Variants in RNF7 observed in about 807,000 individuals in gnomAD.
RNF7 encodes the protein RING-box protein 2.
In RNF7, 9 loss-of-function variants were observed where a neutral mutation model predicts 17.0. The ratio of observed to expected loss-of-function variants is 0.53; its 90% confidence interval spans 0.32 to 0.92. The LOEUF is 0.92. Among genes scored for constraint, RNF7 ranks in the 40% least tolerant of loss-of-function variants. The pLI is 0.04. For missense variants in RNF7, 87 were observed against 145.8 expected (o/e 0.60, Z 2.08); for synonymous variants, 59 against 50.5 (o/e 1.17, Z -0.72).
intron 1 of RNF7, 107 bp downstream of exon 1, chr3:141,738,623 G>A: frequency 8.3e-7 from 1 of 1,203,818 alleles, no homozygotes; most frequent in Non-Finnish European, 1.1e-6. Flanking sequence ...TGCCCTGCCT[G>A]GGAGAGTGGG....
At chr3:141,742,956 T>C in intron 1 of RNF7, 1 of 977,120 alleles carries the variant, frequency 1.0e-6, no homozygotes. Flanking sequence ...AATTTTTTAA[T>C]TTAATTTTTT....
At chr3:141,740,629 AT>A (rs1413667868) in intron 1 of RNF7, among the ~76,000 whole-genome samples, 1 of 151,992 alleles carries the variant, frequency 6.6e-6, no homozygotes, top group African/African-American at 2.4e-5. Flanking sequence ...GCAGAAGGAA[AT>A]TTTTTTTCCA....
intron 1 of RNF7, chr3:141,742,811 A>G (rs1024127076): frequency 1.7e-6 from 2 of 1,207,270 alleles, no homozygotes; most frequent in Admixed American, 7.1e-5. Context: ...TATTGGAAGC[A>G]TACAAAGCAG....
In RNF7 at chr3:141,746,274, G is replaced by C. The variant is rs888745211; in HGVS notation, c.*997G>C. On this transcript the variant is annotated 3_prime_UTR_variant, in exon 3 of 3. Transcript: ENST00000273480. ...TTACAGGTGTGGGCCACTGCACCTG[G>C]CCCAGATGATATAATTTAACTGTGT... 9 of 152,116 alleles carry C rather than the reference G, an allele frequency of 5.9e-5. No homozygotes were observed. Among genetic ancestry groups the C allele is most frequent in the African/African-American group, 2.2e-4 (9 of 41,424 alleles). 9.4% of individuals were successfully genotyped at this position (152,116 alleles called of 1,614,324 possible).
In RNF7 at chr3:141,738,529, C is replaced by G. The variant is rs761980057; in HGVS notation, c.175+13C>G. 16 of 1,604,216 alleles carry G rather than the reference C, an allele frequency of 1.0e-5. No individual in the cohort carries two copies. In the Admixed American group the frequency reaches 2.5e-4, roughly 25 times the overall value. Reference sequence around the variant, plus strand: ...GTCCAGGTGATGGGTAAGCGCTGCACGCGAGTCCAGGGCCGCCCTGCGGCC... The same window carrying G: ...GTCCAGGTGATGGGTAAGCGCTGCAGGCGAGTCCAGGGCCGCCCTGCGGCC... On this transcript the variant is annotated intron_variant, in intron 1 of 2. Transcript: ENST00000273480.
chr3:141,740,779 G>C (rs1201072591), intron 1 of RNF7, among the ~76,000 whole-genome samples: 2 of 150,856 alleles, frequency 1.3e-5, no homozygotes, highest in African/African-American at 2.4e-5. Context: ...GTGTAGATTT[G>C]GGTCAGTTTT....
At chr3:141,738,567 C>T (rs367690493) in intron 1 of RNF7, 51 bp downstream of exon 1, 2 of 1,534,894 alleles carry the variant, frequency 1.3e-6, no homozygotes, top group Non-Finnish European at 1.8e-6. Context: ...CGGGAGCCGA[C>T]CTCGGGGTTG....
chr3:141,739,055 A>T (rs1009461183), intron 1 of RNF7, among the ~76,000 whole-genome samples: 1 of 152,134 alleles, frequency 6.6e-6, no homozygotes, highest in African/African-American at 2.4e-5. Flanking sequence ...AAGTGTTCAT[A>T]GCCATTGCAT....
At chr3:141,743,613 A>G (rs1239936860) in intron 2 of RNF7, 57 bp downstream of exon 2, 9 of 1,268,056 alleles carry the variant, frequency 7.1e-6, no homozygotes, top group Non-Finnish European at 1.0e-5. Context: ...CTCAGTAGGG[A>G]TGTTTGAATT....
At chr3:141,738,793 TAAAC>T (rs767529557) in intron 1 of RNF7, among the ~76,000 whole-genome samples, 1 of 152,186 alleles carries the variant, frequency 6.6e-6, no homozygotes, top group Non-Finnish European at 1.5e-5. Context: ...TAAACGGAGT[TAAAC>T]AAGGTAATTT....
chr3:141,741,531 A>G (rs763187144), intron 1 of RNF7, among the ~76,000 whole-genome samples: 18 of 152,164 alleles, frequency 1.2e-4, no homozygotes, highest in Non-Finnish European at 2.4e-4. Context: ...CCGTGTTTCT[A>G]TTTTTACAGA....
intron 1 of RNF7, chr3:141,742,947 AT>A (rs1242961041): frequency 2.4e-5 from 24 of 1,010,042 alleles, no homozygotes; most frequent in Middle Eastern, 4.8e-4. Context: ...TTATGAAGCA[AT>A]TTTTTAATTT....
At chr3:141,743,589 A>G in intron 2 of RNF7, 33 bp downstream of exon 2, 8 of 1,549,066 alleles carry the variant, frequency 5.2e-6, no homozygotes, top group East Asian at 4.5e-5. Flanking sequence ...TGCTTTTTCA[A>G]CTGAAGGTTT....
At chr3:141,744,858 A>G (rs1189912553) in intron 2 of RNF7, among the ~76,000 whole-genome samples, 1 of 152,224 alleles carries the variant, frequency 6.6e-6, no homozygotes, top group Non-Finnish European at 1.5e-5. Context: ...GATCTAAGGA[A>G]GGTTCAAGAA....
intron 1 of RNF7, chr3:141,742,523 G>A (rs2084430981): frequency 1.2e-6 from 1 of 856,688 alleles, no homozygotes; most frequent in African/African-American, 1.9e-5. Context: ...TTCTTACAAA[G>A]AAAAAACCTT....
rs761016216 is a variant in RNF7, at chr3:141,738,387, C to T, written c.46C>T (p.His16Tyr). ...AGAGGAAACCTGCGCCCTGGCCTCT[C>T]ACTCCGGGAGCTCAGGCTCCAAGTC... ...DGEETCALASHSGSSGSKSGG... is the reference protein window; with the variant it reads ...DGEETCALASYSGSSGSKSGG... The change falls in exon 1 of 3, where the codon CAC becomes TAC. Residue 16 changes from histidine (H) to tyrosine (Y), a missense_variant. This residue lies in a region of RNF7 where 51 missense variants were observed against 41.0 expected (regional missense o/e 1.24). Coordinates refer to ENST00000273480, the MANE Select transcript of RNF7 (RefSeq NM_014245.5). 1 of 1,600,478 alleles carries T rather than the reference C, an allele frequency of 6.2e-7. No homozygotes were observed. The highest frequency in any genetic ancestry group is 1.7e-5 in the Admixed American group (1 of 58,064).
chr3:141,741,878 A>C (rs1359794398), intron 1 of RNF7, among the ~76,000 whole-genome samples: 3 of 152,188 alleles, frequency 2.0e-5, no homozygotes, highest in Non-Finnish European at 2.9e-5. Flanking sequence ...TACATCAAGA[A>C]ATTCTAGAAG....
rs1202206156 is a variant in RNF7 at position 141,738,609 on chromosome 3, A to C, written c.175+93A>C. On this transcript the variant is annotated intron_variant, in intron 1 of 2. Transcript: ENST00000273480. ...GACGGGCGTCCGTCAGAAGCCTCGG[A>C]AAGTGCCCTGCCTGGGAGAGTGGGT... 3.8e-6 allele frequency: 5 copies of C among 1,332,730 alleles called. No homozygotes were observed. In the Admixed American group the frequency reaches 1.1e-4, roughly 29 times the overall value. 82.6% of individuals were successfully genotyped at this position (1,332,730 alleles called of 1,614,324 possible).
chr3:141,745,119 T>C, intron 2 of RNF7, 40 bp from the exon 3 acceptor site: 3 of 1,330,680 alleles, frequency 2.3e-6, no homozygotes, highest in Non-Finnish European at 3.2e-6. Context: ...GTGTTTAAAT[T>C]GAAATATGTA....
Sources: gnomAD v4.1 joint callset for allele counts (sites outside exome capture counted in the v4.1 genomes callset) on GRCh38, gnomAD v4.1.1 for gene constraint, gnomAD v4.1.1 regional missense constraint, MANE v1.5 for transcripts, NCBI Gene and HGNC (gene_info 2026-07-23, HGNC 2026-07-21) for gene names.